SERPINF1: variants seen among roughly 807,000 people sequenced by gnomAD.
The protein encoded by SERPINF1 is serpin family F member 1.
A neutral mutation model predicts 37.3 loss-of-function variants in SERPINF1; 29 were observed. That is an observed-to-expected ratio of 0.78 (90% CI 0.58 to 1.06). The LOEUF (loss-of-function observed/expected upper bound fraction) is 1.06. Among genes scored for constraint, SERPINF1 ranks in the 50% least tolerant of loss-of-function variants. The pLI, the probability that SERPINF1 is intolerant of heterozygous loss-of-function variation, is 0.00. For missense variants in SERPINF1, 553 were observed against 532.2 expected, an observed-to-expected ratio of 1.04 and a Z score of -0.38; for synonymous variants, 281 against 227.9, an observed-to-expected ratio of 1.23 and a Z score of -2.10.
intron 5 of SERPINF1, among the ~76,000 whole-genome samples, chr17:1,774,618 C>T (rs1021951274): frequency 2.0e-5 from 3 of 152,112 alleles, no homozygotes; most frequent in Non-Finnish European, 4.4e-5. Context: ...AGGCGTGAGT[C>T]ACCGTGCCCG....
intron 3 of SERPINF1, 77 bp downstream of exon 3, chr17:1,770,127 T>G (rs544481433): frequency 2.6e-5 from 39 of 1,511,736 alleles, no homozygotes; most frequent in Non-Finnish European, 3.2e-5. Flanking sequence ...GTGGCTGAGT[T>G]TATTGACATT....
At chr17:1,771,214 G>A (rs1907714006) in intron 4 of SERPINF1, 30 bp downstream of exon 4, 2 of 1,608,454 alleles carry the variant, frequency 1.2e-6, no homozygotes, top group Non-Finnish European at 1.7e-6. Flanking sequence ...CAAGTTGCCT[G>A]AGGCATGTGG....
chr17:1,767,677 G>C (rs1424172663), intron 2 of SERPINF1, among the ~76,000 whole-genome samples: 1 of 152,184 alleles, frequency 6.6e-6, no homozygotes, highest in Non-Finnish European at 1.5e-5. Flanking sequence ...ACCCTTGAGG[G>C]ACAAGAGCAG....
At chr17:1,768,385 C>G (rs1408500385) in intron 2 of SERPINF1, among the ~76,000 whole-genome samples, 2 of 142,600 alleles carry the variant, frequency 1.4e-5, no homozygotes. Context: ...GAGCTGAGCT[C>G]GCACCACTGC....
At chr17:1,776,175 GCTCT>G (rs1908017747) in intron 6 of SERPINF1, among the ~76,000 whole-genome samples, 1 of 152,108 alleles carries the variant, frequency 6.6e-6, no homozygotes, top group Non-Finnish European at 1.5e-5. Flanking sequence ...TTAGTCCAGT[GCTCT>G]CTATTTAACA....
intron 6 of SERPINF1, 89 bp downstream of exon 6, chr17:1,775,289 G>T: frequency 1.5e-6 from 2 of 1,363,738 alleles, no homozygotes; most frequent in South Asian, 1.3e-5. Flanking sequence ...TGACCTTTGA[G>T]ATCCGACAGC....
Position 1,777,398 on chromosome 17 carries a change from A to G in SERPINF1, c.1209A>G (p.Thr403=). 1 of 1,614,136 alleles carries G rather than the reference A, an allele frequency of 6.2e-7. No homozygotes were observed. The highest frequency in any genetic ancestry group is 8.5e-7 in the Non-Finnish European group (1 of 1,180,020). Residue 403 remains threonine, a synonymous_variant, in exon 8 of 8, where the codon ACA becomes ACG. Transcript: ENST00000254722. ...PFIFVLRDTD[T]GALLFIGKIL... ...TCTTCGTACTGAGGGACACAGACAC[A>G]GGGGCCCTTCTCTTCATTGGCAAGA...
chr17:1,772,705 C>T (rs1907824405), intron 5 of SERPINF1, among the ~76,000 whole-genome samples: 2 of 152,008 alleles, frequency 1.3e-5, no homozygotes, highest in South Asian at 4.1e-4. Flanking sequence ...ACTACAGGCG[C>T]CCGCCACTGC....
intron 3 of SERPINF1, 47 bp downstream of exon 3, chr17:1,770,097 C>T (rs1907636402): frequency 6.2e-7 from 1 of 1,600,336 alleles, no homozygotes; most frequent in Non-Finnish European, 8.6e-7. Context: ...GGAGAGGCCC[C>T]CTGTGGCCTC....
intron 1 of SERPINF1, chr17:1,766,588 A>ATAAATAAG (rs1907386813): frequency 6.2e-6 from 1 of 161,470 alleles, no homozygotes; most frequent in African/African-American, 2.4e-5. Flanking sequence ...AAATAAATAA[A>ATAAATAAG]TAAATAAATA....
chr17:1,767,081 C>G, intron 2 of SERPINF1, 87 bp downstream of exon 2: 6 of 1,170,180 alleles, frequency 5.1e-6, no homozygotes, highest in South Asian at 1.4e-5. Context: ...GAACCCGGAC[C>G]CAGGTTCCAG....
intron 2 of SERPINF1, among the ~76,000 whole-genome samples, chr17:1,768,077 T>G (rs1907493057): frequency 6.6e-6 from 1 of 151,810 alleles, no homozygotes; most frequent in African/African-American, 2.4e-5. Context: ...TGGCAAGTGC[T>G]TGTGGTACTA....
intron 5 of SERPINF1, among the ~76,000 whole-genome samples, chr17:1,772,991 C>T (rs991095865): frequency 1.3e-5 from 2 of 152,036 alleles, no homozygotes; most frequent in Non-Finnish European, 2.9e-5. Flanking sequence ...CTTGTTTGAC[C>T]AAGGATGGAT....
At chr17:1,774,018 G>A (rs575042857) in intron 5 of SERPINF1, among the ~76,000 whole-genome samples, 1 of 152,278 alleles carries the variant, frequency 6.6e-6, no homozygotes, top group East Asian at 1.9e-4. Flanking sequence ...TTAAACTAAA[G>A]GGGCTTGGCC....
rs756807069 is a variant in SERPINF1 at position 1,777,419 on chromosome 17, C to G, written c.1230C>G (p.Gly410=). Residue 410 remains glycine, a synonymous_variant, in exon 8 of 8, where the codon GGC becomes GGG. Coordinates refer to ENST00000254722, the MANE Select transcript of SERPINF1 (RefSeq NM_002615.7). ...DTDTGALLFI[G]KILDPRGP is the part of the protein sequence containing the mutation. ...ACACAGGGGCCCTTCTCTTCATTGG[C>G]AAGATTCTGGACCCCAGGGGCCCCT... is the stretch of plus-strand genomic sequence containing the variant. The G allele has an allele frequency of 2.7e-5, 43 of 1,614,102 alleles. No individual in the cohort carries two copies. The South Asian group carries it at 4.5e-4, about 17-fold the overall frequency.
At chr17:1,771,262 T>G in intron 4 of SERPINF1, 78 bp downstream of exon 4, 2 of 1,428,246 alleles carry the variant, frequency 1.4e-6, no homozygotes, top group Middle Eastern at 2.5e-4. Flanking sequence ...TTTTTTTTTT[T>G]TTTTGAGACG....
intron 2 of SERPINF1, 172 bp from the exon 3 acceptor site, chr17:1,769,680 T>A: frequency 1.4e-6 from 1 of 705,810 alleles, no homozygotes; most frequent in East Asian, 2.6e-5. Context: ...AGAGAGCTCA[T>A]GCGTGATCAG....
intron 6 of SERPINF1, 83 bp downstream of exon 6, chr17:1,775,283 C>CT: frequency 7.1e-7 from 1 of 1,413,354 alleles, no homozygotes; most frequent in African/African-American, 1.4e-5. Flanking sequence ...ATAAAATGAC[C>CT]TTTGAGATCC....
intron 7 of SERPINF1, 32 bp from the exon 8 acceptor site, chr17:1,777,155 G>A (rs781291454): frequency 1.2e-6 from 2 of 1,613,976 alleles, no homozygotes; most frequent in Non-Finnish European, 8.5e-7. Context: ...GGAAGGCAGG[G>A]TTTTAACGGA....
Sources: gnomAD v4.1 joint callset for allele counts (sites outside exome capture counted in the v4.1 genomes callset) on GRCh38, gnomAD v4.1.1 for gene constraint, MANE v1.5 for transcripts, NCBI Gene and HGNC (gene_info 2026-07-23, HGNC 2026-07-21) for gene names.